Variants in PRKCH observed in about 807,000 individuals in gnomAD.
PRKCH encodes protein kinase C eta.
PRKCH carries 28 observed loss-of-function variants against 82.5 expected under a neutral mutation model. The ratio of observed to expected loss-of-function variants is 0.34; its 90% CI spans 0.25 to 0.47. The LOEUF is 0.47. Ranked by LOEUF, PRKCH falls within the 20% of genes least tolerant of loss-of-function variation. The pLI is 1.00. For synonymous variants in PRKCH, 322 were observed against 327.4 expected (o/e 0.98, Z 0.18); for missense variants, 705 against 881.8 (o/e 0.80, Z 2.54).
At chr14:61,276,983 A>AGGTCAC (rs2045209354) in intron 1 of PRKCH, among the ~76,000 whole-genome samples, 3 of 152,120 alleles carry the variant, frequency 2.0e-5, no homozygotes, top group Non-Finnish European at 2.9e-5. Flanking sequence ...CAGAAGGTCA[A>AGGTCAC]GACCAGCCTG....
intron 1 of PRKCH, among the ~76,000 whole-genome samples, chr14:61,240,843 G>C (rs1345956932): frequency 6.6e-6 from 1 of 152,126 alleles, no homozygotes; most frequent in Non-Finnish European, 1.5e-5. Context: ...TGAGGCTATT[G>C]AGGAAAAACA....
At chr14:61,381,708 T>A (rs1594643238) in intron 1 of PRKCH, among the ~76,000 whole-genome samples, 1 of 152,190 alleles carries the variant, frequency 6.6e-6, no homozygotes, top group East Asian at 1.9e-4. Flanking sequence ...ATCAGGCTGG[T>A]GCCACTCCCA....
At chr14:61,519,435 G>T (rs17095992) in intron 10 of PRKCH, among the ~76,000 whole-genome samples, 17,205 of 152,150 alleles carry the variant, frequency 0.11, 1,097 homozygotes, top group South Asian at 0.2. Context: ...GAAGTAACCA[G>T]ATTCAAATAG....
intron 9 of PRKCH, among the ~76,000 whole-genome samples, chr14:61,458,139 C>G: frequency 6.6e-6 from 1 of 152,176 alleles, no homozygotes; most frequent in East Asian, 1.9e-4. Context: ...TTGGAACATC[C>G]CAGGGCATTG....
At chr14:61,283,384 G>A (rs2045288547) in intron 1 of PRKCH, among the ~76,000 whole-genome samples, 1 of 152,156 alleles carries the variant, frequency 6.6e-6, no homozygotes, top group Non-Finnish European at 1.5e-5. Context: ...GTTAAACACA[G>A]CTGAGGGTTC....
At chr14:61,524,083 C>A (rs1409368887) in intron 10 of PRKCH, among the ~76,000 whole-genome samples, 1 of 152,202 alleles carries the variant, frequency 6.6e-6, no homozygotes, top group Non-Finnish European at 1.5e-5. Flanking sequence ...TAGATTCATT[C>A]TTGTTCAAGG....
At chr14:61,284,889 T>C (rs1372965500) in intron 1 of PRKCH, among the ~76,000 whole-genome samples, 2 of 152,132 alleles carry the variant, frequency 1.3e-5, no homozygotes, top group Non-Finnish European at 2.9e-5. Context: ...AATTAAGATA[T>C]ACACACAATT....
chr14:61,402,728 G>T (rs1204521552), intron 2 of PRKCH, among the ~76,000 whole-genome samples: 1 of 151,982 alleles, frequency 6.6e-6, no homozygotes, highest in Non-Finnish European at 1.5e-5. Context: ...GAACCAGGGA[G>T]TCAGAGGTTG....
chr14:61,508,296 T>C (rs1887239465), intron 10 of PRKCH, among the ~76,000 whole-genome samples: 2 of 152,102 alleles, frequency 1.3e-5, no homozygotes, highest in South Asian at 4.1e-4. Context: ...GCCACTAGTT[T>C]TAAGGAACAT....
chr14:61,364,146 T>C (rs1383994001), intron 1 of PRKCH, among the ~76,000 whole-genome samples: 1 of 151,322 alleles, frequency 6.6e-6, no homozygotes, highest in Non-Finnish European at 1.5e-5. Flanking sequence ...GTGCTGGGAT[T>C]ATAGGTGTGA....
intron 1 of PRKCH, among the ~76,000 whole-genome samples, chr14:61,266,217 A>G (rs2045099433): frequency 6.6e-6 from 1 of 152,048 alleles, no homozygotes; most frequent in African/African-American, 2.4e-5. Flanking sequence ...CAGGGGTTCG[A>G]CACTAGCCTG....
chr14:61,206,524 A>G (rs1284725137), intron 1 of PRKCH, among the ~76,000 whole-genome samples: 4 of 152,208 alleles, frequency 2.6e-5, no homozygotes, highest in African/African-American at 9.7e-5. Context: ...TTGAGTTTCC[A>G]GGTAGATATG....
chr14:61,432,612 G>A (rs1040979152), intron 2 of PRKCH, among the ~76,000 whole-genome samples: 1 of 152,176 alleles, frequency 6.6e-6, no homozygotes, highest in Non-Finnish European at 1.5e-5. Context: ...TGGGATTACA[G>A]GCACGAGCCA....
At chr14:61,321,224 C>T (rs187016289), upstream of PRKCH, among the ~76,000 whole-genome samples, 2 of 152,240 alleles carry the variant, frequency 1.3e-5, no homozygotes, top group Admixed American at 1.3e-4. This position sits in a 1 kb window ranked among gnomAD's most constrained non-coding sequence, Gnocchi z 4.1. Flanking sequence ...CACCAGCCCA[C>T]CGGGGAGGTT....
intron 12 of PRKCH, among the ~76,000 whole-genome samples, chr14:61,536,681 C>T (rs1198181324): frequency 5.3e-5 from 8 of 152,176 alleles, no homozygotes; most frequent in Non-Finnish European, 1.5e-5. Flanking sequence ...TTAAAGACCT[C>T]AGGGCTTCAT....
chr14:61,250,751 C>A (rs2044938366), intron 1 of PRKCH, among the ~76,000 whole-genome samples: 1 of 151,828 alleles, frequency 6.6e-6, no homozygotes, highest in Non-Finnish European at 1.5e-5. Flanking sequence ...CCTCGGGTAC[C>A]AATGTAGGTT....
intron 1 of PRKCH, among the ~76,000 whole-genome samples, chr14:61,231,426 G>A (rs1008530080): frequency 4.0e-5 from 6 of 149,362 alleles, no homozygotes; most frequent in African/African-American, 7.4e-5. Context: ...GCAGTGGCGC[G>A]ATCTCGGCTC....
chr14:61,455,825 T>C (rs959512090), intron 7 of PRKCH, among the ~76,000 whole-genome samples: 4 of 152,160 alleles, frequency 2.6e-5, no homozygotes, highest in African/African-American at 9.7e-5. Context: ...GCTGCAAAAG[T>C]CACCTTGCCT....
chr14:61,247,842 G>A (rs778081085), intron 1 of PRKCH, among the ~76,000 whole-genome samples: 4 of 151,418 alleles, frequency 2.6e-5, no homozygotes, highest in Non-Finnish European at 4.4e-5. Context: ...TGCAGTAGAC[G>A]AGGTAAAGTT....
Sources: allele counts gnomAD v4.1 joint callset (sites outside exome capture counted in the v4.1 genomes callset), GRCh38; gene constraint gnomAD v4.1.1; non-coding constraint Gnocchi (gnomAD v3.1); transcripts MANE v1.5; gene names NCBI Gene and HGNC (gene_info 2026-07-23, HGNC 2026-07-21).